The following ADAM12 variants were observed in gnomAD, a reference collection of about 807,000 sequenced individuals.
ADAM12 encodes the protein ADAM metallopeptidase domain 12.
Under a neutral mutation model 106.4 loss-of-function variants are expected in ADAM12, and 70 were observed. The ratio of observed to expected loss-of-function variants is 0.66; its 90% CI spans 0.54 to 0.80. The LOEUF (loss-of-function observed/expected upper bound fraction) is 0.80. Among genes scored for constraint, ADAM12 ranks in the 30% least tolerant of loss-of-function variants. The pLI is 0.00. For missense variants in ADAM12, 1,010 were observed against 1,171.9 expected (o/e 0.86, Z 2.02); for synonymous variants, 420 against 433.5 (o/e 0.97, Z 0.39).
At chr10:126,363,317 A>G (rs1467179806) in intron 1 of ADAM12, among the ~76,000 whole-genome samples, 2 of 152,206 alleles carry the variant, frequency 1.3e-5, no homozygotes, top group Non-Finnish European at 2.9e-5. Flanking sequence ...TAATTTTAAG[A>G]GAGAGTTTTT....
intron 1 of ADAM12, among the ~76,000 whole-genome samples, chr10:126,380,751 G>C (rs1383444570): frequency 6.6e-6 from 1 of 152,210 alleles, no homozygotes; most frequent in Non-Finnish European, 1.5e-5. Context: ...CTCCAGCCCA[G>C]AGACCTGACA....
At chr10:126,228,770 C>T (rs1958250239) in intron 3 of ADAM12, among the ~76,000 whole-genome samples, 1 of 152,168 alleles carries the variant, frequency 6.6e-6, no homozygotes, top group African/African-American at 2.4e-5. Flanking sequence ...TAGACATGGG[C>T]CAGGCCTCCC....
intron 3 of ADAM12, among the ~76,000 whole-genome samples, chr10:126,242,744 C>T (rs770572892): frequency 6.6e-6 from 1 of 152,184 alleles, no homozygotes; most frequent in African/African-American, 2.4e-5. Context: ...GTCCCAGGCT[C>T]CTCAGGATTT....
In ADAM12 at chr10:126,325,370, C is replaced by T. The variant is rs368632841; in HGVS notation, c.186+5042G>A. 2.2e-3 allele frequency among the ~76,000 whole-genome samples: 336 copies of T among 152,266 alleles called. 3 individuals carry two copies. Among genetic ancestry groups the T allele is most frequent in the African/African-American group, 7.8e-3 (323 of 41,564 alleles). On this transcript the variant is annotated intron_variant, in intron 2 of 22. Coordinates refer to ENST00000448723, the MANE Select transcript of ADAM12 (RefSeq NM_001288973.2). Reference sequence around the variant, plus strand: ...CTGGGGGGAGGCAAGCCAGTGAATGCGGATCACCTTTCTGGGAAGTCTGGC... The same window carrying T: ...CTGGGGGGAGGCAAGCCAGTGAATGTGGATCACCTTTCTGGGAAGTCTGGC...
intron 3 of ADAM12, among the ~76,000 whole-genome samples, chr10:126,219,115 T>C (rs1958042636): frequency 6.6e-6 from 1 of 152,250 alleles, no homozygotes; most frequent in South Asian, 2.1e-4. Flanking sequence ...CTTTGCTCTG[T>C]AGTTGTACAA....
intron 14 of ADAM12, among the ~76,000 whole-genome samples, chr10:126,056,240 C>A (rs1954628498): frequency 6.6e-6 from 1 of 152,192 alleles, no homozygotes; most frequent in African/African-American, 2.4e-5. Context: ...TCATACTTTA[C>A]CACTGAAATA....
intron 11 of ADAM12, among the ~76,000 whole-genome samples, chr10:126,088,618 G>A (rs1955403251): frequency 6.6e-6 from 1 of 152,142 alleles, no homozygotes; most frequent in East Asian, 1.9e-4. Context: ...GCTGAGGTGG[G>A]AGGATTGCTT....
intron 2 of ADAM12, among the ~76,000 whole-genome samples, chr10:126,280,799 T>C (rs1410086370): frequency 1.3e-5 from 2 of 152,176 alleles, no homozygotes; most frequent in African/African-American, 4.8e-5. Context: ...CTTTTCTGGG[T>C]TTACACAGGC....
At chr10:126,262,526 T>C (rs1380673942) in intron 3 of ADAM12, among the ~76,000 whole-genome samples, 4 of 152,146 alleles carry the variant, frequency 2.6e-5, no homozygotes, top group South Asian at 4.1e-4. Context: ...GATTACCCCT[T>C]TTTGGACAAA....
At chr10:126,035,413 T>C (rs1403491484) in intron 21 of ADAM12, among the ~76,000 whole-genome samples, 1 of 152,180 alleles carries the variant, frequency 6.6e-6, no homozygotes, top group Non-Finnish European at 1.5e-5. Flanking sequence ...GTGTTATTAT[T>C]AAATAGGATT....
chr10:126,149,538 G>A (rs1956691247), intron 4 of ADAM12, among the ~76,000 whole-genome samples: 1 of 152,184 alleles, frequency 6.6e-6, no homozygotes, highest in African/African-American at 2.4e-5. Context: ...ATTAACATTT[G>A]AGTCAGTGGA....
chr10:126,168,395 T>G (rs559698691), intron 3 of ADAM12, among the ~76,000 whole-genome samples: 1 of 152,338 alleles, frequency 6.6e-6, no homozygotes, highest in East Asian at 1.9e-4. Context: ...TGGAGTTTCC[T>G]CATATAAAAT....
intron 3 of ADAM12, among the ~76,000 whole-genome samples, chr10:126,194,214 C>G (rs1488787509): frequency 7.1e-6 from 1 of 141,568 alleles, no homozygotes; most frequent in Non-Finnish European, 1.5e-5. Context: ...TTTCAAACAA[C>G]TAAATATCCT....
Position 126,036,131 on chromosome 10 carries a change from GTACTGAAA to G in ADAM12, c.2529+7_2529+14del, listed in dbSNP as rs756974370. On this transcript the variant is annotated splice_region_variant and intron_variant, in intron 21 of 22. Transcript: ENST00000448723. The stretch of plus-strand genomic sequence containing the variant: ...ATTTGAACTACATCCTATCATATTA[GTACTGAAA>G]GCATACCTGGGCCTGCCTAAGTGCA... 2.1e-6 allele frequency: 3 copies of G among 1,437,102 alleles called. No homozygotes were observed. Among genetic ancestry groups the G allele is most frequent in the African/African-American group, 3.0e-5 (2 of 67,254 alleles). 89.0% of individuals were successfully genotyped at this position (1,437,102 alleles called of 1,614,324 possible). A position where few individuals can be genotyped will look rare whatever the true frequency, so the allele number is the denominator to read the frequency against.
chr10:126,161,778 A>G (rs920445067), intron 3 of ADAM12, among the ~76,000 whole-genome samples: 1 of 152,182 alleles, frequency 6.6e-6, no homozygotes, highest in Non-Finnish European at 1.5e-5. Context: ...GTGGATGGAC[A>G]ATGGCAGTAT....
rs142771038 is a variant in ADAM12 at position 126,191,953 on chromosome 10, T to A, written c.261-36648A>T. ...GAGGGGGAAGCAGGCACGTCTTACA[T>A]GGCTGGATGAGGAAGAGAGAGAATG... On this transcript the variant is annotated intron_variant, in intron 3 of 22. Coordinates refer to ENST00000448723, the MANE Select transcript of ADAM12 (RefSeq NM_001288973.2). Among the ~76,000 whole-genome samples, 211 of 152,270 alleles carry A rather than the reference T, an allele frequency of 1.4e-3. 2 individuals are homozygous for A. In the East Asian group the frequency reaches 0.036, roughly 26 times the overall value.
chr10:126,098,297 T>TA (rs1955594415), intron 10 of ADAM12, 119 bp downstream of exon 10: 2 of 810,556 alleles, frequency 2.5e-6, no homozygotes, highest in Non-Finnish European at 4.0e-6. Flanking sequence ...ACAGTAAAAA[T>TA]AGAGTTAAAT....
Position 126,049,761 on chromosome 10 carries a change from T to G in ADAM12, c.1610-92A>C. ...CCTCTCAAATGGTTACGGGGAGACG[T>G]GCTCAAAGCAATCACACCCAGTGTC... On this transcript the variant is annotated intron_variant, in intron 14 of 22. Coordinates refer to ENST00000448723, the MANE Select transcript of ADAM12 (RefSeq NM_001288973.2). This position sits in a 1 kb window ranked among gnomAD's most constrained non-coding sequence, Gnocchi z 4.4. 8.8e-7 allele frequency: 1 copy of G among 1,140,038 alleles called. No individual in the cohort carries two copies. The allele number at this position is 1,140,038 out of a possible 1,614,324, so 70.6% of individuals were successfully genotyped here.
At chr10:126,111,282 T>C (rs1163437103) in intron 6 of ADAM12, among the ~76,000 whole-genome samples, 2 of 152,226 alleles carry the variant, frequency 1.3e-5, no homozygotes, top group East Asian at 1.9e-4. Flanking sequence ...TTTGTAACTA[T>C]ATGTTGTAGG....
Sources: gnomAD v4.1 joint callset for allele counts (sites outside exome capture counted in the v4.1 genomes callset) on GRCh38, gnomAD v4.1.1 for gene constraint, Gnocchi (gnomAD v3.1) non-coding constraint, MANE v1.5 for transcripts, NCBI Gene and HGNC (gene_info 2026-07-23, HGNC 2026-07-21) for gene names.